The following SENP7 variants were observed in gnomAD, a reference collection of about 807,000 sequenced individuals.
The protein encoded by SENP7 is sentrin-specific protease 7.
Under a neutral mutation model 141.2 loss-of-function variants are expected in SENP7, and 64 were observed. The observed-to-expected ratio is 0.45, with a 90% CI of 0.37 to 0.56. SENP7 has a LOEUF of 0.56. SENP7 is among the 20% of genes least tolerant of loss of function. SENP7 has a pLI of 0.00. For synonymous variants in SENP7, 382 were observed against 426.4 expected, an observed-to-expected ratio of 0.90 and a Z score of 1.28; for missense variants, 1,025 against 1,212.2, an observed-to-expected ratio of 0.85 and a Z score of 2.29.
At chr3:101,363,945 C>T (rs1201200600) in intron 10 of SENP7, among the ~76,000 whole-genome samples, 2 of 152,144 alleles carry the variant, frequency 1.3e-5, no homozygotes, top group Admixed American at 6.5e-5. Flanking sequence ...CAGCTGGGAG[C>T]GGTAGCTCAT....
In SENP7 at chr3:101,327,772, T is replaced by C; in HGVS notation, c.2909A>G (p.Gln970Arg). ...EWEVKLKTHR[Q>R]FSKTNMVDLC... Reference sequence around the variant, plus strand: ...ATCCACCATGTTTGTTTTGCTGAATTGACGATGAGTTTTTAGTTTAACTTC... The same window carrying C: ...ATCCACCATGTTTGTTTTGCTGAATCGACGATGAGTTTTTAGTTTAACTTC... The change falls in exon 23 of 24, where the codon CAA (glutamine) becomes CGA (arginine). Residue 970 changes from glutamine to arginine, a missense_variant. Coordinates refer to ENST00000394095, the MANE Select transcript of SENP7 (RefSeq NM_020654.5). 1 of 1,611,248 alleles carries C rather than the reference T, an allele frequency of 6.2e-7. No homozygotes were observed. Among genetic ancestry groups the C allele is most frequent in the Non-Finnish European group, 8.5e-7 (1 of 1,178,310 alleles).
intron 4 of SENP7, among the ~76,000 whole-genome samples, chr3:101,425,222 A>AC (rs1167987718): frequency 6.6e-6 from 1 of 152,168 alleles, no homozygotes; most frequent in African/African-American, 2.4e-5. Context: ...CCACTGCACT[A>AC]CTGCACTATG....
intron 6 of SENP7, among the ~76,000 whole-genome samples, chr3:101,394,387 T>C (rs2060903312): frequency 6.6e-6 from 1 of 152,206 alleles, no homozygotes; most frequent in Non-Finnish European, 1.5e-5. Context: ...CTATGGTGAA[T>C]AGTACTGCAA....
chr3:101,357,803 C>T lies in SENP7; in HGVS notation c.1623+3912G>A, dbSNP rs367622186. The T allele has an allele frequency of 4.3e-5, 26 of 599,938 alleles. No homozygotes were observed. The African/African-American group carries it at 4.4e-4, about 10-fold the overall frequency. The allele number at this position is 599,938 out of a possible 1,614,324, so 37.2% of individuals were successfully genotyped here. ...GCAAAGCTTTTAACCAGTCCTCAAC[C>T]CTTACTACACATAAGAAAGTTCATA... On this transcript the variant is annotated intron_variant, in intron 11 of 23. Transcript: ENST00000394095.
chr3:101,438,872 C>A (rs1423603151), intron 4 of SENP7, among the ~76,000 whole-genome samples: 1 of 151,550 alleles, frequency 6.6e-6, no homozygotes, highest in Non-Finnish European at 1.5e-5. Flanking sequence ...AGCGGACGGG[C>A]CCCGCGGGGC....
intron 17 of SENP7, among the ~76,000 whole-genome samples, chr3:101,336,971 T>C (rs150604781): frequency 6.6e-5 from 10 of 151,956 alleles, no homozygotes; most frequent in East Asian, 5.8e-4. Flanking sequence ...ATATAACAGA[T>C]AGAATTCAAT....
chr3:101,364,998 C>T lies in SENP7; in HGVS notation c.1319-7G>A, dbSNP rs373383309. On this transcript the variant is annotated splice_polypyrimidine_tract_variant and splice_region_variant and intron_variant, in intron 9 of 23. Coordinates refer to ENST00000394095, the MANE Select transcript of SENP7 (RefSeq NM_020654.5). The stretch of plus-strand genomic sequence containing the variant: ...TCATCACTGGAAACAACAACTAAAA[C>T]GGAAAAGAAAAATGTATTTTTGTTT... 359 of 1,465,690 alleles carry T rather than the reference C, an allele frequency of 2.4e-4. No homozygotes were observed. Among genetic ancestry groups the T allele is most frequent in the Non-Finnish European group, 2.9e-4 (324 of 1,107,702 alleles). The allele number at this position is 1,465,690 out of a possible 1,614,324, so 90.8% of individuals were successfully genotyped here.
At chr3:101,425,877 T>C (rs566487492) in intron 4 of SENP7, among the ~76,000 whole-genome samples, 27 of 152,282 alleles carry the variant, frequency 1.8e-4, no homozygotes, top group African/African-American at 6.0e-4. Context: ...CAAGTATTAA[T>C]AGCAGAATAG....
At chr3:101,494,743 A>G (rs568615834) in intron 2 of SENP7, among the ~76,000 whole-genome samples, 1 of 152,354 alleles carries the variant, frequency 6.6e-6, no homozygotes, top group South Asian at 2.1e-4. Context: ...GGCTAGCCAT[A>G]TGCAAAAATT....
At chr3:101,509,343 T>C (rs1238180886) in intron 1 of SENP7, among the ~76,000 whole-genome samples, 1 of 152,188 alleles carries the variant, frequency 6.6e-6, no homozygotes, top group East Asian at 1.9e-4. Flanking sequence ...TTTTGTCTAC[T>C]AGTCTACTAA....
At chr3:101,453,713 T>C (rs1576402172) in intron 4 of SENP7, among the ~76,000 whole-genome samples, 1 of 151,718 alleles carries the variant, frequency 6.6e-6, no homozygotes, top group Non-Finnish European at 1.5e-5. Flanking sequence ...CCGGGGCCTG[T>C]TGTGGGGTGG....
Position 101,438,603 on chromosome 3 carries a change from T to A in SENP7, c.284+20352A>T, listed in dbSNP as rs569462964. ...GTGTATTTTACTACAATAAAAAAAC[T>A]TTAGAGTCTTAAAATTCATTTAGTA... On this transcript the variant is annotated intron_variant, in intron 4 of 23. Transcript: ENST00000394095. Among the ~76,000 whole-genome samples the A allele has an allele frequency of 9.7e-4, 147 of 152,286 alleles. 2 individuals are homozygous for A. Among genetic ancestry groups the A allele is most frequent in the African/African-American group, 3.1e-3 (129 of 41,568 alleles).
At chr3:101,349,513 T>C (rs1310411255) in intron 12 of SENP7, among the ~76,000 whole-genome samples, 1 of 152,156 alleles carries the variant, frequency 6.6e-6, no homozygotes, top group African/African-American at 2.4e-5. Context: ...TTTGGTTTTT[T>C]GTCCTTGCAA....
At chr3:101,459,796 C>T (rs2063491299) in intron 3 of SENP7, among the ~76,000 whole-genome samples, 1 of 151,962 alleles carries the variant, frequency 6.6e-6, no homozygotes, top group African/African-American at 2.4e-5. Flanking sequence ...GAAGAATCCA[C>T]CAAAAAGAAA....
chr3:101,457,158 A>C, intron 4 of SENP7: 1 of 997,382 alleles, frequency 1.0e-6, no homozygotes, highest in Admixed American at 1.9e-5. Flanking sequence ...ATCCATAAAC[A>C]AAAATTCTTA....
chr3:101,480,784 A>C (rs1271131369), intron 3 of SENP7, among the ~76,000 whole-genome samples: 1 of 152,156 alleles, frequency 6.6e-6, no homozygotes, highest in Non-Finnish European at 1.5e-5. Context: ...AACTCAACAA[A>C]AACAACAAAT....
At chr3:101,476,986 A>G (rs570378620) in intron 3 of SENP7, among the ~76,000 whole-genome samples, 1 of 152,068 alleles carries the variant, frequency 6.6e-6, no homozygotes, top group East Asian at 1.9e-4. Context: ...TTCCTTGTAG[A>G]TTCTGGATAG....
At chr3:101,333,587 G>A (rs1169349947) in intron 17 of SENP7, among the ~76,000 whole-genome samples, 1 of 151,912 alleles carries the variant, frequency 6.6e-6, no homozygotes, top group African/African-American at 2.4e-5. Context: ...GGAAAAATGA[G>A]GCTTTTATTC....
At position 101,372,128 on chromosome 3, in the gene SENP7, T is replaced by A; in HGVS notation, c.678-2A>T. 1 of 1,504,954 alleles carries A rather than the reference T, an allele frequency of 6.6e-7. No individual in the cohort carries two copies. Among genetic ancestry groups the A allele is most frequent in the Non-Finnish European group, 9.1e-7 (1 of 1,103,210 alleles). The allele number at this position is 1,504,954 out of a possible 1,614,324, so 93.2% of individuals were successfully genotyped here. A position where few individuals can be genotyped will look rare whatever the true frequency, so the allele number is the denominator to read the frequency against. On this transcript the variant is annotated splice_acceptor_variant, in intron 6 of 23. Transcript: ENST00000394095. LOFTEE classifies it high-confidence loss of function. The stretch of plus-strand genomic sequence containing the variant: ...ACTGTCTTACTTCGTTGTGAGCCCC[T>A]GCAAAAGAGAACTGTATTATACTCA...
Sources: allele counts gnomAD v4.1 joint callset (sites outside exome capture counted in the v4.1 genomes callset), GRCh38; gene constraint gnomAD v4.1.1; transcripts MANE v1.5; gene names NCBI Gene and HGNC (gene_info 2026-07-23, HGNC 2026-07-21).